Variants in NLGN4X observed in about 807,000 individuals in gnomAD.
The protein encoded by NLGN4X is neuroligin 4 X-linked.
In NLGN4X, 3 loss-of-function variants were observed where a neutral mutation model predicts 40.3. That is an observed-to-expected ratio of 0.07 (90% CI 0.03 to 0.19). The LOEUF (loss-of-function observed/expected upper bound fraction) is 0.19, where lower values mean the gene tolerates loss of function less well. Among genes scored for constraint, NLGN4X ranks in the 10% least tolerant of loss-of-function variants. NLGN4X has a pLI of 1.00. For missense variants in NLGN4X, 382 were observed against 708.3 expected (o/e 0.54, Z 5.23); for synonymous variants, 270 against 306.8 (o/e 0.88, Z 1.25).
chrX:6,148,137 G>T (rs1270538201), intron 2 of NLGN4X, among the ~76,000 whole-genome samples: 1 of 112,338 alleles, frequency 8.9e-6, no homozygotes, highest in Non-Finnish European at 1.9e-5. Context: ...GGATAAGTAC[G>T]TATCTAAAAT....
At chrX:6,175,808 C>T (rs749783568) in intron 1 of NLGN4X, among the ~76,000 whole-genome samples, 1 of 110,519 alleles carries the variant, frequency 9.0e-6, no homozygotes, top group Non-Finnish European at 1.9e-5. Context: ...CTCCCCCTCC[C>T]ATCACCTGTT....
intron 3 of NLGN4X, among the ~76,000 whole-genome samples, chrX:5,910,325 GTT>G (rs34324227): frequency 9.5e-6 from 1 of 105,042 alleles, no homozygotes; most frequent in Non-Finnish European, 2.0e-5. Flanking sequence ...ATTTTTAAAA[GTT>G]TTTTTTTTTA....
rs746181896 is a variant in NLGN4X, at chrX:5,993,471, T to C, written c.625+35809A>G. Among the ~76,000 whole-genome samples, 4 of 112,079 alleles carry C rather than the reference T, an allele frequency of 3.6e-5. No homozygotes were observed. In the South Asian group the frequency reaches 1.5e-3, roughly 42 times the overall value. On this transcript the variant is annotated intron_variant, in intron 3 of 5. Transcript: ENST00000381095. ...AACAGTAACCGTGGTCTCCACCAAC[T>C]AAGTGCATTAACACCCTTCAAACTC...
intron 3 of NLGN4X, among the ~76,000 whole-genome samples, chrX:6,013,908 C>T (rs746221661): frequency 5.4e-5 from 6 of 110,589 alleles, no homozygotes; most frequent in Admixed American, 9.7e-5. Context: ...CCTGGCCAGG[C>T]ACGGTGACTC....
At chrX:6,160,714 G>C (rs1355870146) in intron 1 of NLGN4X, among the ~76,000 whole-genome samples, 2 of 108,042 alleles carry the variant, frequency 1.9e-5, no homozygotes, top group Non-Finnish European at 3.8e-5. Flanking sequence ...GTAGAGACAG[G>C]GTTTCACCAT....
chrX:6,140,984 A>C (rs2039938093), intron 2 of NLGN4X, among the ~76,000 whole-genome samples: 1 of 111,546 alleles, frequency 9.0e-6, no homozygotes, highest in Non-Finnish European at 1.9e-5. Context: ...TACCAGTAGC[A>C]ATTGCATGAA....
intron 1 of NLGN4X, among the ~76,000 whole-genome samples, chrX:6,181,332 T>C (rs1409640529): frequency 8.9e-6 from 1 of 111,770 alleles, no homozygotes; most frequent in East Asian, 2.8e-4. Flanking sequence ...TTAAAAGTGA[T>C]AGACTAAAAG....
intron 2 of NLGN4X, among the ~76,000 whole-genome samples, chrX:6,137,973 A>T (rs1036194853): frequency 1.8e-5 from 2 of 111,254 alleles, no homozygotes; most frequent in Admixed American, 1.9e-4. Context: ...GGGGCTTGGC[A>T]TTTCAGGGAA....
intron 1 of NLGN4X, among the ~76,000 whole-genome samples, chrX:6,172,667 T>G (rs1403567969): frequency 1.8e-5 from 2 of 112,071 alleles, no homozygotes; most frequent in African/African-American, 6.5e-5. Flanking sequence ...TTTCAATTTT[T>G]AAAAAGAATT....
intron 3 of NLGN4X, among the ~76,000 whole-genome samples, chrX:5,914,222 T>C (rs967516786): frequency 1.8e-5 from 2 of 112,072 alleles, no homozygotes; most frequent in African/African-American, 6.5e-5. Context: ...TGAATATTTC[T>C]ATTCAGGCTT....
chrX:6,082,433 C>T (rs981002157), intron 2 of NLGN4X, among the ~76,000 whole-genome samples: 49 of 109,514 alleles, frequency 4.5e-4, no homozygotes, highest in African/African-American at 1.6e-3. Context: ...CCCAGATACT[C>T]GGGAGGCTGA....
intron 3 of NLGN4X, among the ~76,000 whole-genome samples, chrX:5,932,478 A>G (rs1410230693): frequency 8.9e-6 from 1 of 112,063 alleles, no homozygotes; most frequent in African/African-American, 3.2e-5. Flanking sequence ...TCTACGTTAA[A>G]TATAATGATT....
At chrX:6,065,266 T>C (rs1197545776) in intron 2 of NLGN4X, among the ~76,000 whole-genome samples, 1 of 106,341 alleles carries the variant, frequency 9.4e-6, no homozygotes, top group Non-Finnish European at 1.9e-5. Context: ...GAACCTAAAA[T>C]AAAAATTGAA....
intron 1 of NLGN4X, among the ~76,000 whole-genome samples, chrX:6,159,406 T>C (rs1368037592): frequency 1.8e-5 from 2 of 112,594 alleles, no homozygotes; most frequent in Non-Finnish European, 3.7e-5. Context: ...TTTATGACTA[T>C]GATTATTTTA....
In NLGN4X at chrX:6,074,235, A is replaced by G. The variant is rs192839037; in HGVS notation, c.473-44803T>C. On this transcript the variant is annotated intron_variant, in intron 2 of 5. Transcript: ENST00000381095. Reference sequence around the variant, plus strand: ...AGGTCCATATCCACGGGAATTGGGTATTCCTTGGCATTGAAGTCCCAGCCT... The same window carrying G: ...AGGTCCATATCCACGGGAATTGGGTGTTCCTTGGCATTGAAGTCCCAGCCT... 3.6e-5 allele frequency among the ~76,000 whole-genome samples: 4 copies of G among 111,342 alleles called. No individual in the cohort carries two copies. In the East Asian group the frequency reaches 1.1e-3, roughly 32 times the overall value.
chrX:6,107,427 T>C (rs2039054624), intron 2 of NLGN4X, among the ~76,000 whole-genome samples: 1 of 111,461 alleles, frequency 9.0e-6, no homozygotes, highest in Non-Finnish European at 1.9e-5. Context: ...TGAATATGGG[T>C]CCTCCATTTT....
intron 2 of NLGN4X, among the ~76,000 whole-genome samples, chrX:6,054,205 A>G (rs948551676): frequency 9.2e-6 from 1 of 109,167 alleles, no homozygotes; most frequent in Non-Finnish European, 1.9e-5. Context: ...CATTAGCTAC[A>G]TTTTAAGTTT....
In NLGN4X at chrX:6,093,262, G is replaced by A. The variant is rs747054013; in HGVS notation, c.472+57733C>T. ...AAATTATCTTTCAGGAATGAGCAGG[G>A]AACAAAGGTATTCAATCAAACAAAA... On this transcript the variant is annotated intron_variant, in intron 2 of 5. Transcript: ENST00000381095. Among the ~76,000 whole-genome samples the A allele has an allele frequency of 2.7e-5, 3 of 111,888 alleles. No homozygotes were observed. In the East Asian group the frequency reaches 8.4e-4, roughly 31 times the overall value.
At chrX:5,902,839 G>A (rs780872341) in intron 5 of NLGN4X, among the ~76,000 whole-genome samples, 17 of 112,629 alleles carry the variant, frequency 1.5e-4, no homozygotes, top group Non-Finnish European at 2.8e-4. Flanking sequence ...ACAGTTAAGT[G>A]TTTTACTCCT....
Sources: gnomAD v4.1 joint callset for allele counts (sites outside exome capture counted in the v4.1 genomes callset) on GRCh38, gnomAD v4.1.1 for gene constraint, MANE v1.5 for transcripts, NCBI Gene and HGNC (gene_info 2026-07-23, HGNC 2026-07-21) for gene names.